Variants in SNTG2 observed in about 807,000 individuals in gnomAD.
The protein encoded by SNTG2 is gamma-2-syntrophin.
In SNTG2, 74 loss-of-function variants were observed where a neutral mutation model predicts 70.9. That is an observed-to-expected ratio of 1.04 (90% CI 0.86 to 1.27). The LOEUF (loss-of-function observed/expected upper bound fraction) is 1.27. Among genes scored for constraint, SNTG2 ranks in the 50% most tolerant of loss-of-function variants. The pLI is 0.00. For synonymous variants in SNTG2, 278 were observed against 273.8 expected (o/e 1.02, Z -0.15); for missense variants, 717 against 690.7 (o/e 1.04, Z -0.43).
intron 1 of SNTG2, among the ~76,000 whole-genome samples, chr2:967,294 A>C (rs1257144347): frequency 1.3e-5 from 2 of 152,126 alleles, no homozygotes; most frequent in Admixed American, 6.5e-5. Flanking sequence ...ACCTTGCCTT[A>C]TTCCCTATCT....
chr2:1,307,964 G>A (rs1572956143), intron 14 of SNTG2, among the ~76,000 whole-genome samples: 3 of 152,332 alleles, frequency 2.0e-5, no homozygotes, highest in East Asian at 1.9e-4. Flanking sequence ...CCGTGTGACC[G>A]ATGTAGTTTT....
chr2:1,350,028 T>G (rs772377054), intron 16 of SNTG2, among the ~76,000 whole-genome samples: 6 of 152,210 alleles, frequency 3.9e-5, no homozygotes, highest in Non-Finnish European at 8.8e-5. Context: ...ATTTTAATGT[T>G]TTTAAATTAA....
chr2:1,315,223 C>T (rs1335587272), intron 15 of SNTG2, among the ~76,000 whole-genome samples: 1 of 152,166 alleles, frequency 6.6e-6, no homozygotes, highest in Admixed American at 6.5e-5. Context: ...GAAACATGTG[C>T]TTTGACACTT....
chr2:1,082,375 C>T (rs547694250), intron 1 of SNTG2, among the ~76,000 whole-genome samples: 1 of 152,314 alleles, frequency 6.6e-6, no homozygotes, highest in South Asian at 2.1e-4. Flanking sequence ...CGCTGGGGCT[C>T]CTTGAACCCC....
intron 1 of SNTG2, among the ~76,000 whole-genome samples, chr2:1,072,636 T>C (rs57389611): frequency 0.14 from 21,696 of 152,206 alleles, 1,709 homozygotes; most frequent in Middle Eastern, 0.2. Flanking sequence ...CCTGTTAATA[T>C]AACATCCACT....
intron 9 of SNTG2, among the ~76,000 whole-genome samples, chr2:1,235,666 G>C (rs1036239579): frequency 2.0e-5 from 3 of 152,030 alleles, no homozygotes; most frequent in Non-Finnish European, 4.4e-5. Flanking sequence ...TTACCCCCAC[G>C]CTGCCCCAGG....
intron 9 of SNTG2, among the ~76,000 whole-genome samples, chr2:1,231,707 A>C (rs28678499): frequency 0.33 from 50,188 of 152,036 alleles, 10,186 homozygotes; most frequent in African/African-American, 0.58. Flanking sequence ...TGGCTGAGAT[A>C]GGGTGGAGTC....
At chr2:1,140,078 C>T (rs1668648569) in intron 6 of SNTG2, among the ~76,000 whole-genome samples, 1 of 152,154 alleles carries the variant, frequency 6.6e-6, no homozygotes, top group Non-Finnish European at 1.5e-5. Flanking sequence ...TATGGTTTCA[C>T]TTCCTCATTT....
intron 4 of SNTG2, among the ~76,000 whole-genome samples, chr2:1,101,909 C>T (rs1431184007): frequency 2.0e-5 from 3 of 152,218 alleles, no homozygotes; most frequent in African/African-American, 7.2e-5. Context: ...CGAGGCTTCA[C>T]CTCGCTCATT....
Position 1,237,976 on chromosome 2 carries a change from C to T in SNTG2, c.808C>T (p.Arg270Trp), listed in dbSNP as rs558806997. The T allele has an allele frequency of 4.0e-5, 64 of 1,609,914 alleles. No individual in the cohort carries two copies. The East Asian group carries it at 1.0e-3, about 25-fold the overall frequency. The change falls in exon 10 of 17, where the codon CGG (arginine) becomes TGG (tryptophan). Residue 270 changes from arginine to tryptophan, a missense_variant. Coordinates refer to ENST00000308624, the MANE Select transcript of SNTG2 (RefSeq NM_018968.4). ...YTAQDGTDWL[R>W]AVSANIRELT... ...AGCCCAGGATGGCACCGACTGGCTG[C>T]GGGCGGTCTCAGCCAACATCAGGGA...
At chr2:1,053,932 G>GC (rs1166353099) in intron 1 of SNTG2, among the ~76,000 whole-genome samples, 4 of 23,382 alleles carry the variant, frequency 1.7e-4, no homozygotes, top group Non-Finnish European at 2.7e-4. Flanking sequence ...CCTCCCTCCC[G>GC]CCCCCCTCTT....
intron 16 of SNTG2, chr2:1,341,635 TAAGACAGTTGCATTTCCTTTGAAAGAAGC>T (rs1660093362): frequency 6.6e-6 from 1 of 152,194 alleles, no homozygotes; most frequent in African/African-American, 2.4e-5. Flanking sequence ...GAGGCAGTCT[TAAGACAGTTGCATTTCCTTTGAAAGAAGC>T]TTTCTCAGTC....
In SNTG2 at chr2:1,198,186, TAAG is replaced by T. The variant is rs768320164; in HGVS notation, c.592-10911_592-10909del. Among the ~76,000 whole-genome samples the T allele has an allele frequency of 7.2e-5, 11 of 151,924 alleles. No homozygotes were observed. In the South Asian group the frequency reaches 1.7e-3, roughly 23 times the overall value. On this transcript the variant is annotated intron_variant, in intron 8 of 16. Transcript: ENST00000308624. ...ACACAGTGGAATAAACTAGAAAAAA[TAAG>T]AAGAACCTTAGAAACTATACCTATA...
At chr2:1,319,216 T>C (rs534638521) in intron 16 of SNTG2, among the ~76,000 whole-genome samples, 2 of 152,328 alleles carry the variant, frequency 1.3e-5, no homozygotes, top group African/African-American at 4.8e-5. Context: ...ATCGCTGCCT[T>C]GTGATGCTTT....
At chr2:1,169,840 G>C (rs1671007166) in intron 7 of SNTG2, among the ~76,000 whole-genome samples, 1 of 152,106 alleles carries the variant, frequency 6.6e-6, no homozygotes, top group Non-Finnish European at 1.5e-5. Context: ...CAGAGGCCAG[G>C]GGTGCTGAGT....
intron 4 of SNTG2, among the ~76,000 whole-genome samples, chr2:1,100,704 A>G (rs1572431132): frequency 6.6e-6 from 1 of 152,156 alleles, no homozygotes; most frequent in Non-Finnish European, 1.5e-5. Context: ...GCATGGCCCA[A>G]TGCAGCTCTG....
At chr2:1,138,525 G>C (rs1668546609) in intron 6 of SNTG2, among the ~76,000 whole-genome samples, 1 of 152,122 alleles carries the variant, frequency 6.6e-6, no homozygotes, top group Non-Finnish European at 1.5e-5. Context: ...GGGGGCGGAG[G>C]TGGAGACAGT....
At chr2:1,212,934 T>G (rs1422731047) in intron 9 of SNTG2, among the ~76,000 whole-genome samples, 2 of 152,210 alleles carry the variant, frequency 1.3e-5, no homozygotes, top group East Asian at 3.8e-4. Context: ...ACAAAAGCTG[T>G]AAGCTGTAGC....
chr2:1,222,115 GTCTCTC>G (rs1172252280), intron 9 of SNTG2, among the ~76,000 whole-genome samples: 1 of 22,060 alleles, frequency 4.5e-5, no homozygotes. Context: ...GTCTCTCTCT[GTCTCTC>G]TCTGTCTCTC....
Sources: gnomAD v4.1 joint callset for allele counts (sites outside exome capture counted in the v4.1 genomes callset) on GRCh38, gnomAD v4.1.1 for gene constraint, MANE v1.5 for transcripts, NCBI Gene and HGNC (gene_info 2026-07-23, HGNC 2026-07-21) for gene names.